Variants in TUT4 observed in about 807,000 individuals in gnomAD.
The protein encoded by TUT4 is terminal uridylyl transferase 4, also known as terminal uridylyltransferase 4.
Under a neutral mutation model 192.2 loss-of-function variants are expected in TUT4, and 36 were observed. The observed-to-expected ratio is 0.19, with a 90% confidence interval of 0.14 to 0.25. TUT4 has a LOEUF of 0.25. Among genes scored for constraint, TUT4 ranks in the 10% least tolerant of loss-of-function variants. TUT4 has a pLI of 1.00. For synonymous variants in TUT4, 618 were observed against 666.0 expected (o/e 0.93, Z 1.11); for missense variants, 1,493 against 1,957.2 (o/e 0.76, Z 4.47).
At position 52,548,091 on chromosome 1, in the gene TUT4, CCAGA is replaced by C. The variant is rs1688535071; in HGVS notation, c.-94+4836_-94+4839del. On this transcript the variant is annotated intron_variant, in intron 1 of 29. Transcript: ENST00000257177. ...AGCAATAAAGTCTTCACATGTCACC[CCAGA>C]CCAGAGAATAAGGGAAAAGTCAAAT... is the stretch of plus-strand genomic sequence containing the variant. 3.3e-5 allele frequency among the ~76,000 whole-genome samples: 5 copies of C among 152,110 alleles called. No homozygotes were observed. In the South Asian group the frequency reaches 1.0e-3, roughly 32 times the overall value.
chr1:52,472,351 G>A (rs1367626072), intron 13 of TUT4, among the ~76,000 whole-genome samples: 1 of 151,974 alleles, frequency 6.6e-6, no homozygotes, highest in African/African-American at 2.4e-5. Context: ...GGAAGATACA[G>A]AAAATGCCAG....
chr1:52,520,056 A>T (rs928958279), intron 2 of TUT4, among the ~76,000 whole-genome samples: 1 of 152,286 alleles, frequency 6.6e-6, no homozygotes, highest in African/African-American at 2.4e-5. Context: ...AGAGCTAGCC[A>T]TATGGACATT....
intron 19 of TUT4, among the ~76,000 whole-genome samples, chr1:52,459,746 T>G (rs1288512951): frequency 6.6e-6 from 1 of 151,954 alleles, no homozygotes; most frequent in East Asian, 1.9e-4. Context: ...CCAGGCGTGG[T>G]AGCAGGCACC....
chr1:52,540,540 GA>G (rs774444471), intron 1 of TUT4, among the ~76,000 whole-genome samples: 1 of 150,120 alleles, frequency 6.7e-6, no homozygotes, highest in Non-Finnish European at 1.5e-5. Context: ...AAGAAAGAAA[GA>G]AAAAAAAGAC....
In TUT4 at chr1:52,425,524, G is replaced by C; in HGVS notation, c.4712-17C>G. 1 of 1,597,596 alleles carries C rather than the reference G, an allele frequency of 6.3e-7. No individual in the cohort carries two copies. On this transcript the variant is annotated splice_polypyrimidine_tract_variant and intron_variant, in intron 28 of 29. Coordinates refer to ENST00000257177, the MANE Select transcript of TUT4 (RefSeq NM_001009881.3). Reference sequence around the variant, plus strand: ...AGCCTGGCTCTGCATTTCAACAAGAGGGAAAAAGACATTTAAAAACATTAG... The same window carrying C: ...AGCCTGGCTCTGCATTTCAACAAGACGGAAAAAGACATTTAAAAACATTAG...
chr1:52,450,699 G>C (rs7554003), intron 20 of TUT4, among the ~76,000 whole-genome samples: 1 of 152,020 alleles, frequency 6.6e-6, no homozygotes, highest in Non-Finnish European at 1.5e-5. Context: ...ATGAAACTCA[G>C]ACTTATGCAG....
In TUT4 at chr1:52,526,094, T is replaced by C. The variant is rs778859019; in HGVS notation, c.187A>G (p.Ile63Val). Reference protein sequence around the residue: ...NSSKKNKQNDICIEKTEVKSC... With the variant: ...NSSKKNKQNDVCIEKTEVKSC... Reference sequence around the variant, plus strand: ...TTAACTTCTGTTTTTTCTATACAAATATCATTTTGCTTATTTTTTTTACTA... The same window carrying C: ...TTAACTTCTGTTTTTTCTATACAAACATCATTTTGCTTATTTTTTTTACTA... The change falls in exon 2 of 30, where the codon ATT (isoleucine) becomes GTT (valine). Residue 63 changes from isoleucine to valine, a missense_variant. By Grantham distance (29) the Ile-to-Val change is conservative. Around this residue, in one of 7 missense-constraint regions of TUT4, gnomAD observed 260 missense variants for 247.8 expected, o/e 1.05. Coordinates refer to ENST00000257177, the MANE Select transcript of TUT4 (RefSeq NM_001009881.3). 1.2e-6 allele frequency: 2 copies of C among 1,609,860 alleles called. No individual in the cohort carries two copies. The highest frequency in any genetic ancestry group is 1.1e-5 in the South Asian group (1 of 89,378).
chr1:52,474,075 G>A (rs1048039087), intron 13 of TUT4, among the ~76,000 whole-genome samples: 1 of 152,160 alleles, frequency 6.6e-6, no homozygotes, highest in African/African-American at 2.4e-5. Context: ...AGACATGGTG[G>A]CATGCGCCTG....
Position 52,525,599 on chromosome 1 carries a change from T to C in TUT4, c.682A>G (p.Ser228Gly), listed in dbSNP as rs764349873. The change falls in exon 2 of 30, where the codon AGT (serine) becomes GGT (glycine). Residue 228 changes from serine (S) to glycine (G), a missense_variant. Around this residue, in one of 7 missense-constraint regions of TUT4, gnomAD observed 437 missense variants for 577.6 expected, o/e 0.76. Transcript: ENST00000257177. ...CTDNTGDSDD[S>G]ASGIEDVSDD... ...GATACGTCTTCAATTCCTGAAGCAC[T>C]ATCATCAGAATCACCAGTATTATCT... 4 of 1,612,198 alleles carry C rather than the reference T, an allele frequency of 2.5e-6. No homozygotes were observed. In the South Asian group the frequency reaches 4.4e-5, roughly 18 times the overall value.
chr1:52,498,194 T>G (rs2149169577), intron 4 of TUT4, among the ~76,000 whole-genome samples: 1 of 151,994 alleles, frequency 6.6e-6, no homozygotes, highest in South Asian at 2.1e-4. Context: ...AATTCTTAAT[T>G]ATAATCTAAG....
rs534946017 is a variant in TUT4, at chr1:52,463,418, T to C, written c.3070-1649A>G. On this transcript the variant is annotated intron_variant, in intron 16 of 29. Coordinates refer to ENST00000257177, the MANE Select transcript of TUT4 (RefSeq NM_001009881.3). ...AAGATGTTAAGACACCAGAAGCAACTTCTTATGGCCAGAAGTTAAGTCATC... is the reference window on the plus strand; with the variant it reads ...AAGATGTTAAGACACCAGAAGCAACCTCTTATGGCCAGAAGTTAAGTCATC... The C allele has an allele frequency of 1.4e-4, 141 of 1,014,030 alleles. No homozygotes were observed. In the African/African-American group the frequency reaches 2.2e-3, roughly 16 times the overall value. The allele number at this position is 1,014,030 out of a possible 1,614,324, so 62.8% of individuals were successfully genotyped here. A position where few individuals can be genotyped will look rare whatever the true frequency, so the allele number is the denominator to read the frequency against.
chr1:52,537,433 T>A (rs773031699), intron 1 of TUT4, among the ~76,000 whole-genome samples: 1 of 152,102 alleles, frequency 6.6e-6, no homozygotes, highest in Non-Finnish European at 1.5e-5. Context: ...AGCAAGGACA[T>A]ATAACAGTTA....
intron 24 of TUT4, among the ~76,000 whole-genome samples, chr1:52,439,101 C>T (rs1654720485): frequency 6.7e-6 from 1 of 150,374 alleles, no homozygotes; most frequent in Admixed American, 6.6e-5. Flanking sequence ...AGTCTGTAGT[C>T]CCAGCTACTC....
intron 20 of TUT4, among the ~76,000 whole-genome samples, chr1:52,449,304 G>A (rs1245969841): frequency 1.3e-5 from 2 of 151,994 alleles, no homozygotes; most frequent in East Asian, 3.9e-4. Context: ...TATTTACATT[G>A]CATTTTTCTG....
At chr1:52,443,117 C>G (rs1197788256) in intron 24 of TUT4, among the ~76,000 whole-genome samples, 2 of 151,798 alleles carry the variant, frequency 1.3e-5, no homozygotes, top group Non-Finnish European at 2.9e-5. Context: ...AACCCCGTCT[C>G]TACTAAAAAT....
At chr1:52,424,149 G>T in intron 29 of TUT4, 147 bp from the exon 30 acceptor site, 1 of 753,622 alleles carries the variant, frequency 1.3e-6, no homozygotes, top group Non-Finnish European at 2.1e-6. Context: ...TGAGAGGGTG[G>T]GGAGAAAAAT....
At chr1:52,551,244 ATTTCT>A (rs1300749528) in intron 1 of TUT4, among the ~76,000 whole-genome samples, 3 of 152,190 alleles carry the variant, frequency 2.0e-5, no homozygotes, top group South Asian at 2.1e-4. Context: ...AATACTTTAA[ATTTCT>A]TTTCTGTATT....
At chr1:52,546,040 G>A (rs2149734915) in intron 1 of TUT4, among the ~76,000 whole-genome samples, 1 of 151,976 alleles carries the variant, frequency 6.6e-6, no homozygotes, top group African/African-American at 2.4e-5. Context: ...TCAAGAGGCT[G>A]AGGTGGGAGG....
chr1:52,525,664 A>T lies in TUT4; in HGVS notation c.617T>A (p.Leu206Gln), dbSNP rs1681565778. 6.2e-7 allele frequency: 1 copy of T among 1,614,080 alleles called. No homozygotes were observed. Among genetic ancestry groups the T allele is most frequent in the African/African-American group, 1.3e-5 (1 of 74,942 alleles). The change falls in exon 2 of 30, where the codon CTG (leucine) becomes CAG (glutamine). Residue 206 changes from leucine (L) to glutamine (Q), a missense_variant. Leu to Gln is a moderately radical substitution (Grantham distance 113, BLOSUM62 -2). Transcript: ENST00000257177. ...IEAVGGEKCA[L>Q]QNSPRSQKQQ... Reference sequence around the variant, plus strand: ...CTTCTGAGATCGTGGTGAGTTTTGCAGAGCACATTTTTCTCCCCCTACAGC... The same window carrying T: ...CTTCTGAGATCGTGGTGAGTTTTGCTGAGCACATTTTTCTCCCCCTACAGC...
Sources: gnomAD v4.1 joint callset for allele counts (sites outside exome capture counted in the v4.1 genomes callset) on GRCh38, gnomAD v4.1.1 for gene constraint, gnomAD v4.1.1 regional missense constraint, MANE v1.5 for transcripts, NCBI Gene and HGNC (gene_info 2026-07-23, HGNC 2026-07-21) for gene names.